FBXO34: variants seen among roughly 807,000 people sequenced by gnomAD.
FBXO34 encodes the protein F-box only protein 34.
FBXO34 carries 12 observed loss-of-function variants against 24.5 expected under a neutral mutation model. The ratio of observed to expected loss-of-function variants is 0.49; its 90% CI spans 0.31 to 0.79. The LOEUF (loss-of-function observed/expected upper bound fraction) is 0.79. Ranked by LOEUF, FBXO34 falls within the 30% of genes least tolerant of loss-of-function variation. The pLI is 0.04. For synonymous variants in FBXO34, 320 were observed against 311.9 expected, an observed-to-expected ratio of 1.03 and a Z score of -0.27; for missense variants, 823 against 857.7, an observed-to-expected ratio of 0.96 and a Z score of 0.51.
At chr14:55,423,772 G>C in the FBXO34 span, among the ~76,000 whole-genome samples, 3 of 152,312 alleles carry the variant, frequency 2.0e-5, no homozygotes, top group Admixed American at 2.0e-4. Context: ...AGACCCTGTG[G>C]CTCACAAAGC....
chr14:55,378,678 C>G, the FBXO34 span, among the ~76,000 whole-genome samples: 208 of 152,154 alleles, frequency 1.4e-3, no homozygotes, highest in African/African-American at 4.8e-3. Flanking sequence ...GCAAGCCCCT[C>G]TCTCACCACA....
exon 3 of FBXO34, chr14:55,367,272 TCTTA>T (rs1351463467): frequency 1.3e-5 from 2 of 152,324 alleles, no homozygotes; most frequent in East Asian, 1.9e-4. Context: ...GAGACTAAGC[TCTTA>T]CTTCTGAGGG....
chr14:55,391,005 T>G, the FBXO34 span: 3 of 1,588,090 alleles, frequency 1.9e-6, 1 homozygote, highest in Middle Eastern at 3.3e-4. Context: ...GAAAAAAGCA[T>G]GTAATAAATA....
the FBXO34 span, chr14:55,395,066 T>C: frequency 2.0e-6 from 1 of 501,936 alleles, no homozygotes; most frequent in Admixed American, 2.1e-5. Context: ...TTTGCTCCCC[T>C]TTTCCCTTTT....
the FBXO34 span, among the ~76,000 whole-genome samples, chr14:55,435,658 CT>C: frequency 6.6e-6 from 1 of 152,108 alleles, no homozygotes; most frequent in Non-Finnish European, 1.5e-5. Context: ...TCAATTACTG[CT>C]TTATTCAGCA....
chr14:55,318,509 A>G (rs1883018252), intron 1 of FBXO34, among the ~76,000 whole-genome samples: 1 of 142,226 alleles, frequency 7.0e-6, no homozygotes, highest in African/African-American at 2.6e-5. Context: ...GTTCAACTAC[A>G]TGACTTGTAT....
the FBXO34 span, among the ~76,000 whole-genome samples, chr14:55,416,213 G>T: frequency 6.6e-6 from 1 of 152,186 alleles, no homozygotes; most frequent in Admixed American, 6.5e-5. Context: ...CCACTGAACT[G>T]TTCACTTTAA....
chr14:55,302,304 A>T (rs532606494), intron 1 of FBXO34, among the ~76,000 whole-genome samples: 14 of 152,322 alleles, frequency 9.2e-5, no homozygotes, highest in African/African-American at 2.9e-4. Flanking sequence ...ATAGATAGGT[A>T]GATAGGTAGA....
chr14:55,369,806 A>C (rs771445076), downstream of FBXO34: 1 of 1,614,190 alleles, frequency 6.2e-7, no homozygotes, highest in Admixed American at 1.7e-5. Context: ...GTCTGTGCCC[A>C]GGTCGGTTTC....
chr14:55,377,088 T>C, the FBXO34 span, among the ~76,000 whole-genome samples: 4 of 152,196 alleles, frequency 2.6e-5, no homozygotes, highest in African/African-American at 9.7e-5. Flanking sequence ...GGCTCAAGCC[T>C]GTAATCCCAG....
the FBXO34 span, chr14:55,378,193 A>T: frequency 4.0e-6 from 3 of 750,578 alleles, no homozygotes; most frequent in Non-Finnish European, 6.6e-6. Context: ...CTCCTTAGTA[A>T]ATTGCACTTA....
chr14:55,409,335 T>C, the FBXO34 span, among the ~76,000 whole-genome samples: 4 of 152,204 alleles, frequency 2.6e-5, no homozygotes, highest in African/African-American at 9.6e-5. Flanking sequence ...TAAATCTTTA[T>C]TGAGTTTCTA....
At chr14:55,289,586 A>G (rs1421446600) in intron 1 of FBXO34, among the ~76,000 whole-genome samples, 3 of 152,288 alleles carry the variant, frequency 2.0e-5, no homozygotes, top group Non-Finnish European at 4.4e-5. Context: ...CCCAGGCTGG[A>G]GTGCAGTGGC....
intron 1 of FBXO34, among the ~76,000 whole-genome samples, chr14:55,331,078 A>G (rs1480773463): frequency 6.6e-6 from 1 of 152,202 alleles, no homozygotes; most frequent in African/African-American, 2.4e-5. Context: ...GAACATTCAA[A>G]TTAGAGACAG....
chr14:55,435,723 C>T, the FBXO34 span: 5 of 684,226 alleles, frequency 7.3e-6, no homozygotes, highest in South Asian at 2.1e-5. Flanking sequence ...CCTGAGTTGC[C>T]AAAAGCTTTT....
At chr14:55,349,837 C>G (rs958971519) in intron 1 of FBXO34, among the ~76,000 whole-genome samples, 2 of 151,864 alleles carry the variant, frequency 1.3e-5, no homozygotes, top group African/African-American at 4.8e-5. Flanking sequence ...CAACTCCTGT[C>G]CCCACGTGAT....
At chr14:55,364,727 C>CT (rs534426436), downstream of FBXO34, among the ~76,000 whole-genome samples, 4,894 of 129,914 alleles carry the variant, frequency 0.038, 140 homozygotes, top group Middle Eastern at 0.078. Context: ...CAGTGCCCAA[C>CT]TTTTTTTTTT....
the FBXO34 span, among the ~76,000 whole-genome samples, chr14:55,377,173 C>A: frequency 0.058 from 8,848 of 152,112 alleles, 324 homozygotes; most frequent in South Asian, 0.089. Context: ...ATGATGAAAC[C>A]CTGTCTCTAC....
chr14:55,373,882 C>T (rs1420619432), downstream of FBXO34, among the ~76,000 whole-genome samples: 2 of 151,994 alleles, frequency 1.3e-5, no homozygotes, highest in Non-Finnish European at 1.5e-5. Flanking sequence ...GGAAATCCCA[C>T]CCAGGTTCCA....
Sources: allele counts gnomAD v4.1 joint callset (sites outside exome capture counted in the v4.1 genomes callset), GRCh38; gene constraint gnomAD v4.1.1; transcripts MANE v1.5; gene names NCBI Gene and HGNC (gene_info 2026-07-23, HGNC 2026-07-21).